Variants in GRM8 observed in about 807,000 individuals in gnomAD.
GRM8 encodes metabotropic glutamate receptor 8.
Under a neutral mutation model 87.2 loss-of-function variants are expected in GRM8, and 47 were observed. The ratio of observed to expected loss-of-function variants is 0.54; its 90% CI spans 0.43 to 0.69. The LOEUF is 0.69. GRM8 is among the 30% of genes least tolerant of loss of function. The probability of loss-of-function intolerance (pLI) is 0.00; values close to 1 mark genes in which losing one functional copy is unlikely to be tolerated. For synonymous variants in GRM8, 396 were observed against 404.5 expected (o/e 0.98, Z 0.25); for missense variants, 1,019 against 1,139.2 (o/e 0.89, Z 1.52).
Position 127,035,605 on chromosome 7 carries a change from T to C in GRM8, c.727+70891A>G, listed in dbSNP as rs535263103. Among the ~76,000 whole-genome samples the C allele has an allele frequency of 9.9e-5, 15 of 152,266 alleles. 2 individuals carry two copies. Among genetic ancestry groups the C allele is most frequent in the African/African-American group, 3.4e-4 (14 of 41,564 alleles). On this transcript the variant is annotated intron_variant, in intron 3 of 10. Transcript: ENST00000339582. ...TCCTCAAAAGGCAGGGGCAGCTTCC[T>C]CTCTATCTTCCACCTTCAGCACAGT...
chr7:127,213,084 T>G (rs757602461), intron 2 of GRM8, among the ~76,000 whole-genome samples: 3 of 152,204 alleles, frequency 2.0e-5, no homozygotes, highest in Non-Finnish European at 4.4e-5. Flanking sequence ...TGAATGTGTG[T>G]AAACCCAAAG....
chr7:127,117,559 A>G (rs1826771446), intron 2 of GRM8, among the ~76,000 whole-genome samples: 1 of 152,226 alleles, frequency 6.6e-6, no homozygotes, highest in Admixed American at 6.5e-5. Flanking sequence ...TGAGCTGCTT[A>G]AGACAGTGAA....
chr7:126,971,091 C>T (rs1397240902), intron 3 of GRM8, among the ~76,000 whole-genome samples: 1 of 142,714 alleles, frequency 7.0e-6, no homozygotes, highest in Non-Finnish European at 1.5e-5. Flanking sequence ...TAAGTGAACA[C>T]ACGCTGTTGG....
intron 3 of GRM8, among the ~76,000 whole-genome samples, chr7:126,957,369 C>T (rs1425151992): frequency 6.6e-6 from 1 of 152,148 alleles, no homozygotes; most frequent in Non-Finnish European, 1.5e-5. Flanking sequence ...GGGAAGGCTC[C>T]GCAGGAATAG....
At chr7:126,446,428 A>G in intron 9 of GRM8, 56 bp from the exon 10 acceptor site, 2 of 1,141,668 alleles carry the variant, frequency 1.8e-6, no homozygotes, top group Non-Finnish European at 2.5e-6. Flanking sequence ...TAGGAGATAA[A>G]GCAAATAACA....
At chr7:127,103,951 A>G (rs1825571782) in intron 3 of GRM8, among the ~76,000 whole-genome samples, 1 of 152,190 alleles carries the variant, frequency 6.6e-6, no homozygotes, top group South Asian at 2.1e-4. Context: ...TCATTCTCCC[A>G]GATTCGCAAA....
At chr7:126,678,479 A>G (rs1034084297) in intron 7 of GRM8, among the ~76,000 whole-genome samples, 2 of 152,176 alleles carry the variant, frequency 1.3e-5, no homozygotes, top group Admixed American at 6.5e-5. Context: ...TTGATTCTGA[A>G]ACATTCTTTT....
At chr7:126,541,211 G>A (rs1053596040) in intron 8 of GRM8, among the ~76,000 whole-genome samples, 5 of 152,152 alleles carry the variant, frequency 3.3e-5, no homozygotes, top group African/African-American at 1.2e-4. Context: ...GCAGGACCAC[G>A]AAGCCCAGGG....
At chr7:127,206,924 T>C (rs891618285) in intron 2 of GRM8, among the ~76,000 whole-genome samples, 13 of 152,146 alleles carry the variant, frequency 8.5e-5, no homozygotes. Flanking sequence ...AAGGCAGTAA[T>C]AGCAGAGACA....
At chr7:126,866,620 C>G (rs4342517) in intron 6 of GRM8, among the ~76,000 whole-genome samples, 48,642 of 116,198 alleles carry the variant, frequency 0.42, 10,046 homozygotes, top group Non-Finnish European at 0.47. Flanking sequence ...GAGACGGAGT[C>G]TTGCTCTGTC....
chr7:126,553,901 C>G (rs779157392), intron 8 of GRM8, among the ~76,000 whole-genome samples: 25 of 152,232 alleles, frequency 1.6e-4, no homozygotes, highest in Middle Eastern at 3.4e-3. Context: ...TTTCCAGTGG[C>G]AGGGCAGTTA....
At chr7:126,611,742 T>C (rs1353769051) in intron 7 of GRM8, among the ~76,000 whole-genome samples, 3 of 152,202 alleles carry the variant, frequency 2.0e-5, no homozygotes, top group Non-Finnish European at 4.4e-5. Flanking sequence ...TAAGATGAAA[T>C]AATGTAATTT....
chr7:127,238,765 A>G (rs1798127418), intron 2 of GRM8, among the ~76,000 whole-genome samples: 1 of 152,236 alleles, frequency 6.6e-6, no homozygotes, highest in Non-Finnish European at 1.5e-5. Context: ...AAGAAAAGAA[A>G]CAAAGATAGG....
At chr7:126,842,439 A>G (rs1169172105) in intron 6 of GRM8, among the ~76,000 whole-genome samples, 1 of 152,254 alleles carries the variant, frequency 6.6e-6, no homozygotes, top group Non-Finnish European at 1.5e-5. Flanking sequence ...CTGAAACAGG[A>G]AAGAATCACT....
chr7:126,582,242 G>A (rs946874569), intron 8 of GRM8, among the ~76,000 whole-genome samples: 3 of 152,106 alleles, frequency 2.0e-5, no homozygotes, highest in African/African-American at 7.2e-5. Context: ...TGCTGATATG[G>A]AGAAAGTTTT....
At chr7:126,634,459 T>C (rs954380257) in intron 7 of GRM8, among the ~76,000 whole-genome samples, 9 of 152,164 alleles carry the variant, frequency 5.9e-5, no homozygotes, top group African/African-American at 2.2e-4. Flanking sequence ...GTTTCTCACT[T>C]TCCTTGTTTC....
chr7:126,936,187 G>C (rs975882177), intron 3 of GRM8, among the ~76,000 whole-genome samples: 1 of 152,138 alleles, frequency 6.6e-6, no homozygotes, highest in Non-Finnish European at 1.5e-5. Context: ...CTCAGAAAAT[G>C]ATCGATATTT....
At chr7:126,900,511 T>C (rs187663269) in intron 6 of GRM8, among the ~76,000 whole-genome samples, 49 of 152,076 alleles carry the variant, frequency 3.2e-4, no homozygotes, top group African/African-American at 1.2e-3. Context: ...GTTTGTTTTG[T>C]TTTGTTTTGT....
chr7:126,502,483 C>T (rs926374690), intron 9 of GRM8, among the ~76,000 whole-genome samples: 3 of 152,002 alleles, frequency 2.0e-5, no homozygotes, highest in Non-Finnish European at 2.9e-5. Context: ...CAAAAATATA[C>T]TAATTTTAGA....
Sources: allele counts gnomAD v4.1 joint callset (sites outside exome capture counted in the v4.1 genomes callset), GRCh38; gene constraint gnomAD v4.1.1; transcripts MANE v1.5; gene names NCBI Gene and HGNC (gene_info 2026-07-23, HGNC 2026-07-21).